The following DYNC1I1 variants were observed in gnomAD, a reference collection of about 807,000 sequenced individuals.
DYNC1I1 encodes the protein cytoplasmic dynein 1 intermediate chain 1.
Under a neutral mutation model 86.6 loss-of-function variants are expected in DYNC1I1, and 43 were observed. The observed-to-expected ratio is 0.50, with a 90% CI of 0.39 to 0.64. DYNC1I1 has a LOEUF of 0.64. DYNC1I1 is among the 30% of genes least tolerant of loss of function. The probability of loss-of-function intolerance (pLI) is 0.00; values close to 1 mark genes in which losing one functional copy is unlikely to be tolerated. For synonymous variants in DYNC1I1, 262 were observed against 283.7 expected, an observed-to-expected ratio of 0.92 and a Z score of 0.77; for missense variants, 604 against 788.8, an observed-to-expected ratio of 0.77 and a Z score of 2.81.
intron 7 of DYNC1I1, among the ~76,000 whole-genome samples, chr7:95,978,215 A>C (rs1793357445): frequency 6.6e-6 from 1 of 152,212 alleles, no homozygotes; most frequent in Non-Finnish European, 1.5e-5. Flanking sequence ...CCCTATTTAT[A>C]GGCAGAGAAC....
intron 6 of DYNC1I1, among the ~76,000 whole-genome samples, chr7:95,958,486 A>G (rs1792778330): frequency 6.6e-6 from 1 of 152,116 alleles, no homozygotes; most frequent in Admixed American, 6.6e-5. Context: ...GCTTGAGCCC[A>G]GGAGATCAAG....
intron 16 of DYNC1I1, among the ~76,000 whole-genome samples, chr7:96,093,830 A>G (rs1278758751): frequency 1.3e-5 from 2 of 152,076 alleles, no homozygotes; most frequent in African/African-American, 2.4e-5. Flanking sequence ...ATAACTTATG[A>G]TCTTTTTTCC....
intron 6 of DYNC1I1, among the ~76,000 whole-genome samples, chr7:95,918,441 G>C (rs906234039): frequency 6.6e-6 from 1 of 152,142 alleles, no homozygotes; most frequent in African/African-American, 2.4e-5. Flanking sequence ...AGGGCTAAGG[G>C]GCTCCCCACC....
intron 10 of DYNC1I1, among the ~76,000 whole-genome samples, chr7:96,011,871 C>A (rs1165350333): frequency 6.6e-6 from 1 of 152,070 alleles, no homozygotes. Flanking sequence ...TCTGAAGCTA[C>A]GGTTAATTTA....
rs531146940 is a variant in DYNC1I1, at chr7:95,798,102, TA to T, written c.-9-6616del. ...AGATAACCTACATAAAAACATAAAC[TA>T]AAGCTCTTTGAAGTCCTTGATAATT... On this transcript the variant is annotated intron_variant, in intron 1 of 16. Transcript: ENST00000447467. Among the ~76,000 whole-genome samples the T allele has an allele frequency of 3.2e-3, 488 of 152,324 alleles. 4 individuals carry two copies. The highest frequency in any genetic ancestry group is 5.3e-3 in the Non-Finnish European group (359 of 68,024).
rs78029113 is a variant in DYNC1I1 at position 95,932,508 on chromosome 7, T to C, written c.491-45004T>C. 1.8e-3 allele frequency among the ~76,000 whole-genome samples: 280 copies of C among 152,284 alleles called. 1 individual carries two copies. The highest frequency in any genetic ancestry group is 6.6e-3 in the African/African-American group (274 of 41,538). The stretch of plus-strand genomic sequence containing the variant: ...GAAAAATCTGTCTACCTAAAGGACA[T>C]ATGAAGGAATTAGAAGTGTCCTTGG... On this transcript the variant is annotated intron_variant, in intron 6 of 16. Coordinates refer to ENST00000447467, the MANE Select transcript of DYNC1I1 (RefSeq NM_001135556.2).
Position 96,098,101 on chromosome 7 carries a change from T to A in DYNC1I1, c.*508T>A, listed in dbSNP as rs1791070110. The A allele has an allele frequency of 1.0e-6, 1 of 986,644 alleles. No homozygotes were observed. Among genetic ancestry groups the A allele is most frequent in the African/African-American group, 1.7e-5 (1 of 57,374 alleles). 61.1% of individuals were successfully genotyped at this position (986,644 alleles called of 1,614,324 possible). On this transcript the variant is annotated 3_prime_UTR_variant, in exon 17 of 17. Transcript: ENST00000447467. ...TCCTTATTTATTGTAGTGTGCTGCA[T>A]GGAACGTATTTATTTGAAAGCATTA...
At chr7:95,985,215 T>A (rs950568913) in intron 8 of DYNC1I1, among the ~76,000 whole-genome samples, 2 of 152,128 alleles carry the variant, frequency 1.3e-5, no homozygotes, top group African/African-American at 4.8e-5. Flanking sequence ...TGGGGAACAG[T>A]CCAGGTGATA....
chr7:95,962,323 A>T (rs1034761106), intron 6 of DYNC1I1, among the ~76,000 whole-genome samples: 2 of 152,074 alleles, frequency 1.3e-5, no homozygotes, highest in African/African-American at 4.8e-5. Flanking sequence ...TTGGAACCTT[A>T]TTTCATATTT....
chr7:95,984,918 G>T lies in DYNC1I1; in HGVS notation c.684G>T (p.Leu228=). 6.2e-7 allele frequency: 1 copy of T among 1,613,614 alleles called. No homozygotes were observed. Among genetic ancestry groups the T allele is most frequent in the Non-Finnish European group, 8.5e-7 (1 of 1,179,710 alleles). ...DRTIRVIERA[L]AEDSDIFFDY... ...CAATACGGGTAATTGAAAGAGCCCT[G>T]GCTGAAGATTCCGACATCTTTTTTG... The change falls in exon 8 of 17, where the codon CTG becomes CTT. Residue 228 remains leucine, a synonymous_variant. Coordinates refer to ENST00000447467, the MANE Select transcript of DYNC1I1 (RefSeq NM_001135556.2).
intron 5 of DYNC1I1, among the ~76,000 whole-genome samples, chr7:95,864,141 A>C (rs568775664): frequency 1.3e-5 from 2 of 152,282 alleles, no homozygotes; most frequent in Non-Finnish European, 2.9e-5. Flanking sequence ...TTTTTGGATA[A>C]TACAACTTTA....
intron 3 of DYNC1I1, 148 bp from the exon 4 acceptor site, chr7:95,813,099 T>A: frequency 7.2e-7 from 1 of 1,390,524 alleles, no homozygotes; most frequent in East Asian, 2.7e-5. Context: ...TTTCCTTTTT[T>A]TTTTTTTTCT....
At chr7:95,920,480 A>G (rs1373705957) in intron 6 of DYNC1I1, among the ~76,000 whole-genome samples, 1 of 152,216 alleles carries the variant, frequency 6.6e-6, no homozygotes, top group African/African-American at 2.4e-5. Flanking sequence ...TTGTAAGTAA[A>G]GAATGGATTC....
intron 10 of DYNC1I1, among the ~76,000 whole-genome samples, chr7:96,023,767 T>C (rs1210481581): frequency 6.6e-6 from 1 of 152,156 alleles, no homozygotes; most frequent in Non-Finnish European, 1.5e-5. Context: ...GGTCTGTCTT[T>C]GCAGGGGTGG....
At chr7:95,926,654 T>C (rs1791754274) in intron 6 of DYNC1I1, among the ~76,000 whole-genome samples, 1 of 152,194 alleles carries the variant, frequency 6.6e-6, no homozygotes, top group Non-Finnish European at 1.5e-5. Context: ...TCCTCATCTC[T>C]CTATACGTGG....
At chr7:96,088,965 C>G (rs530509474) in intron 16 of DYNC1I1, among the ~76,000 whole-genome samples, 5 of 152,124 alleles carry the variant, frequency 3.3e-5, no homozygotes, top group African/African-American at 7.2e-5. Context: ...TACTTTTAAC[C>G]TAGTAGATAA....
intron 15 of DYNC1I1, among the ~76,000 whole-genome samples, chr7:96,079,632 T>G (rs1790450750): frequency 6.6e-6 from 1 of 152,166 alleles, no homozygotes; most frequent in African/African-American, 2.4e-5. Flanking sequence ...GAAGTGTTTA[T>G]TAAAGGAGAT....
At chr7:95,848,546 C>A (rs1469223684) in intron 5 of DYNC1I1, among the ~76,000 whole-genome samples, 1 of 152,068 alleles carries the variant, frequency 6.6e-6, no homozygotes, top group Admixed American at 6.6e-5. Flanking sequence ...TCATCTATAT[C>A]GTTGCAAATG....
At chr7:95,972,256 G>T (rs1252040595) in intron 6 of DYNC1I1, among the ~76,000 whole-genome samples, 1 of 152,144 alleles carries the variant, frequency 6.6e-6, no homozygotes, top group Non-Finnish European at 1.5e-5. Flanking sequence ...GAAGGAACAG[G>T]TTTGAAAAAG....
Sources: gnomAD v4.1 joint callset for allele counts (sites outside exome capture counted in the v4.1 genomes callset) on GRCh38, gnomAD v4.1.1 for gene constraint, MANE v1.5 for transcripts, NCBI Gene and HGNC (gene_info 2026-07-23, HGNC 2026-07-21) for gene names.